ST3GAL3: variants seen among roughly 807,000 people sequenced by gnomAD.
The protein encoded by ST3GAL3 is CMP-N-acetylneuraminate-beta-1,4-galactoside alpha-2,3-sialyltransferase.
In ST3GAL3, 21 loss-of-function variants were observed where a neutral mutation model predicts 50.1. The observed-to-expected ratio is 0.42, with a 90% confidence interval of 0.30 to 0.60. ST3GAL3 has a LOEUF of 0.60. ST3GAL3 is among the 20% of genes least tolerant of loss of function. ST3GAL3 has a pLI of 0.19. For synonymous variants in ST3GAL3, 183 were observed against 190.0 expected (o/e 0.96, Z 0.30); for missense variants, 353 against 489.4 (o/e 0.72, Z 2.63).
At chr1:43,826,985 C>G (rs976595780) in intron 4 of ST3GAL3, among the ~76,000 whole-genome samples, 1 of 152,144 alleles carries the variant, frequency 6.6e-6, no homozygotes, top group Non-Finnish European at 1.5e-5. Context: ...TAACATCTTG[C>G]TTAATGAGAC....
At chr1:43,918,267 G>T (rs534068751) in intron 9 of ST3GAL3, among the ~76,000 whole-genome samples, 1 of 151,568 alleles carries the variant, frequency 6.6e-6, no homozygotes, top group Non-Finnish European at 1.5e-5. Context: ...ACAGGCACAC[G>T]CCACCATGCT....
At chr1:43,905,230 ACTCTTCCTCCCCCTCCTCCTC>A (rs2079103966) in intron 9 of ST3GAL3, among the ~76,000 whole-genome samples, 1 of 35,730 alleles carries the variant, frequency 2.8e-5, no homozygotes, top group African/African-American at 1.1e-4. Flanking sequence ...TCTTCCCGCC[ACTCTTCCTCCCCCTCCTCCTC>A]CTGTTCCTCT....
intron 4 of ST3GAL3, among the ~76,000 whole-genome samples, chr1:43,822,263 G>A (rs1249127967): frequency 6.6e-6 from 1 of 152,154 alleles, no homozygotes; most frequent in African/African-American, 2.4e-5. Context: ...GCCAGATCCT[G>A]GTGTCCAAGT....
intron 1 of ST3GAL3, among the ~76,000 whole-genome samples, chr1:43,732,013 G>A (rs1558050569): frequency 1.3e-5 from 2 of 152,028 alleles, no homozygotes; most frequent in African/African-American, 2.4e-5. Flanking sequence ...TGTCATCTTC[G>A]TTTGTTGTTG....
intron 11 of ST3GAL3, chr1:43,921,356 G>A (rs1353744533): frequency 6.5e-6 from 3 of 458,474 alleles, no homozygotes; most frequent in Non-Finnish European, 7.7e-6. Flanking sequence ...TTCATACCCC[G>A]AATTGCTTCC....
At chr1:43,738,549 T>G (rs1679476844) in intron 2 of ST3GAL3, 2 of 151,184 alleles carry the variant, frequency 1.3e-5, no homozygotes, top group South Asian at 4.2e-4. Flanking sequence ...CAGGCCAGAG[T>G]GCAGTGGTGC....
chr1:43,784,763 G>A (rs2057075724), intron 2 of ST3GAL3, among the ~76,000 whole-genome samples: 1 of 152,210 alleles, frequency 6.6e-6, no homozygotes, highest in Admixed American at 6.5e-5. Context: ...TCCATTCACA[G>A]TTGAGTCTTT....
chr1:43,863,595 C>T (rs953590776), intron 5 of ST3GAL3, among the ~76,000 whole-genome samples: 5 of 152,302 alleles, frequency 3.3e-5, no homozygotes, highest in East Asian at 1.9e-4. Flanking sequence ...TTCTGCAATT[C>T]GGAGATCATA....
In ST3GAL3 at chr1:43,927,816, C is replaced by T. The variant is rs141911862; in HGVS notation, c.1039-2316C>T. Among the ~76,000 whole-genome samples the T allele has an allele frequency of 4.2e-3, 640 of 152,082 alleles. 6 individuals carry two copies. Among genetic ancestry groups the T allele is most frequent in the African/African-American group, 0.015 (613 of 41,486 alleles). On this transcript the variant is annotated intron_variant, in intron 11 of 11. Transcript: ENST00000347631. ...ATAATGACAGGAGCCTTGAAGGGGC[C>T]GGAGGGCTTTAGGGAGTCTGAGGGA...
intron 1 of ST3GAL3, among the ~76,000 whole-genome samples, chr1:43,717,659 C>T (rs976235657): frequency 5.3e-5 from 8 of 151,406 alleles, no homozygotes; most frequent in Non-Finnish European, 1.0e-4. Context: ...CACCATGCCC[C>T]GGTAATTTTT....
At position 43,899,033 on chromosome 1, in the gene ST3GAL3, C is replaced by A; in HGVS notation, c.462-135C>A. The A allele has an allele frequency of 8.2e-7, 1 of 1,220,640 alleles. No homozygotes were observed. The highest frequency in any genetic ancestry group is 1.2e-6 in the Non-Finnish European group (1 of 862,716). The allele number at this position is 1,220,640 out of a possible 1,614,324, so 75.6% of individuals were successfully genotyped here. ...TTCAGGCCTTCTCTCAGAAATGCTG[C>A]CAGAAGCCCATTGGTCTTCTTCCTC... On this transcript the variant is annotated intron_variant, in intron 7 of 11. Coordinates refer to ENST00000347631, the MANE Select transcript of ST3GAL3 (RefSeq NM_006279.5). The surrounding 1 kb of genome is among the most constrained non-coding windows in gnomAD (Gnocchi z 5.4).
chr1:43,901,736 C>T (rs781575856), intron 9 of ST3GAL3, among the ~76,000 whole-genome samples: 1 of 152,230 alleles, frequency 6.6e-6, no homozygotes, highest in Non-Finnish European at 1.5e-5. Context: ...ACATCTGTGT[C>T]CGTCCTGGCC....
intron 3 of ST3GAL3, among the ~76,000 whole-genome samples, chr1:43,800,166 G>A (rs1466018932): frequency 6.6e-6 from 1 of 152,084 alleles, no homozygotes; most frequent in African/African-American, 2.4e-5. Context: ...CTTCCTACTA[G>A]GCCTCTCACC....
At chr1:43,833,042 A>T (rs918965103) in intron 4 of ST3GAL3, among the ~76,000 whole-genome samples, 2 of 152,170 alleles carry the variant, frequency 1.3e-5, no homozygotes, top group Non-Finnish European at 1.5e-5. Flanking sequence ...TTTAAACTAA[A>T]TTAGCACATG....
chr1:43,791,508 A>G (rs2058076409), intron 2 of ST3GAL3, among the ~76,000 whole-genome samples: 1 of 152,210 alleles, frequency 6.6e-6, no homozygotes, highest in Non-Finnish European at 1.5e-5. Context: ...GGCTGTTTGA[A>G]GGCTCAGGCC....
In ST3GAL3 at chr1:43,811,360, C is replaced by T. The variant is rs58875444; in HGVS notation, c.167-3531C>T. On this transcript the variant is annotated intron_variant, in intron 3 of 11. Coordinates refer to ENST00000347631, the MANE Select transcript of ST3GAL3 (RefSeq NM_006279.5). ...ACCTAGAGTGTTTGCACTCTCTGGA[C>T]CTGACAAATAGTTAAAGCTGACTCT... Among the ~76,000 whole-genome samples the T allele has an allele frequency of 1.0e-3, 159 of 152,300 alleles. 2 individuals carry two copies. Among genetic ancestry groups the T allele is most frequent in the African/African-American group, 3.6e-3 (150 of 41,568 alleles).
chr1:43,928,848 G>A (rs2084515280), intron 11 of ST3GAL3, among the ~76,000 whole-genome samples: 1 of 152,214 alleles, frequency 6.6e-6, no homozygotes, highest in Non-Finnish European at 1.5e-5. Context: ...GGCAGAGGTT[G>A]CAGTGAGCTG....
At chr1:43,749,500 G>T (rs1033463050) in intron 2 of ST3GAL3, among the ~76,000 whole-genome samples, 1 of 152,184 alleles carries the variant, frequency 6.6e-6, no homozygotes, top group Non-Finnish European at 1.5e-5. Flanking sequence ...ACTTTTGGGA[G>T]ACCAGGTGGG....
chr1:43,907,157 G>T (rs959047500), intron 9 of ST3GAL3, among the ~76,000 whole-genome samples: 36 of 152,330 alleles, frequency 2.4e-4, no homozygotes, highest in African/African-American at 8.4e-4. Context: ...ATGAGTAGCA[G>T]TAAGCAGTAG....
Sources: gnomAD v4.1 joint callset for allele counts (sites outside exome capture counted in the v4.1 genomes callset) on GRCh38, gnomAD v4.1.1 for gene constraint, Gnocchi (gnomAD v3.1) non-coding constraint, MANE v1.5 for transcripts, NCBI Gene and HGNC (gene_info 2026-07-23, HGNC 2026-07-21) for gene names.